TSHZ3: variants seen among roughly 807,000 people sequenced by gnomAD.
The protein encoded by TSHZ3 is teashirt zinc finger homeobox 3, also known as teashirt homolog 3.
A neutral mutation model predicts 64.5 loss-of-function variants in TSHZ3; 10 were observed. The observed-to-expected ratio is 0.16, with a 90% CI of 0.10 to 0.26. The LOEUF (loss-of-function observed/expected upper bound fraction) is 0.26, where lower values mean the gene tolerates loss of function less well. Among genes scored for constraint, TSHZ3 ranks in the 10% least tolerant of loss-of-function variants. The probability of loss-of-function intolerance (pLI) is 1.00; values close to 1 mark genes in which losing one functional copy is unlikely to be tolerated. For missense variants in TSHZ3, 1,242 were observed against 1,421.7 expected, an observed-to-expected ratio of 0.87 and a Z score of 2.03; for synonymous variants, 608 against 593.1, an observed-to-expected ratio of 1.03 and a Z score of -0.36.
chr19:31,234,745 C>T (rs190368360), intron 3 of TSHZ3, among the ~76,000 whole-genome samples: 6 of 152,296 alleles, frequency 3.9e-5, no homozygotes, highest in Admixed American at 2.0e-4. Flanking sequence ...TCATATAGTG[C>T]TGAATTCAGT....
At chr19:31,206,403 T>C (rs1028257511) in intron 4 of TSHZ3, among the ~76,000 whole-genome samples, 2 of 152,072 alleles carry the variant, frequency 1.3e-5, no homozygotes, top group African/African-American at 4.8e-5. Context: ...ACAGATTGAT[T>C]TCTCTCACTG....
intron 1 of TSHZ3, chr19:31,348,965 TG>T: frequency 1.8e-6 from 1 of 553,278 alleles, no homozygotes; most frequent in South Asian, 2.6e-5. Flanking sequence ...GCTCCCCAAA[TG>T]GGTGCGAGAG....
intron 1 of TSHZ3, chr19:31,305,655 C>T (rs1223487769): frequency 6.6e-6 from 1 of 152,170 alleles, no homozygotes; most frequent in African/African-American, 2.4e-5. Context: ...CACAGGCAGG[C>T]TTTACCTAGA....
chr19:31,196,983 C>T (rs1200154249), intron 5 of TSHZ3, among the ~76,000 whole-genome samples: 6 of 151,952 alleles, frequency 3.9e-5, no homozygotes, highest in African/African-American at 1.2e-4. Context: ...CTATAGACAG[C>T]TTCATTTAGC....
chr19:31,330,611 A>T (rs1341267147), intron 1 of TSHZ3, among the ~76,000 whole-genome samples: 1 of 151,350 alleles, frequency 6.6e-6, no homozygotes, highest in Non-Finnish European at 1.5e-5. Flanking sequence ...GGGGTGCAAA[A>T]TGGAGGCTGT....
At chr19:31,305,993 T>C (rs557182701) in intron 1 of TSHZ3, among the ~76,000 whole-genome samples, 1 of 152,352 alleles carries the variant, frequency 6.6e-6, no homozygotes, top group African/African-American at 2.4e-5. Flanking sequence ...GCCAGCATGA[T>C]CACAGATTTG....
At chr19:31,186,430 C>T (rs1974811539) in intron 5 of TSHZ3, among the ~76,000 whole-genome samples, 1 of 152,146 alleles carries the variant, frequency 6.6e-6, no homozygotes, top group Non-Finnish European at 1.5e-5. Context: ...GGCTTTTCCC[C>T]CTTTTGCTCA....
chr19:31,298,652 C>T (rs370631481), intron 1 of TSHZ3, among the ~76,000 whole-genome samples: 1 of 152,058 alleles, frequency 6.6e-6, no homozygotes, highest in Non-Finnish European at 1.5e-5. Flanking sequence ...TGCACATGAT[C>T]GCTGCCCAGC....
chr19:31,236,393 AC>A (rs1372677450), intron 3 of TSHZ3, among the ~76,000 whole-genome samples: 1 of 152,128 alleles, frequency 6.6e-6, no homozygotes, highest in Admixed American at 6.5e-5. Context: ...ATGATTAGAG[AC>A]ACTGAGCACC....
intron 1 of TSHZ3, among the ~76,000 whole-genome samples, chr19:31,339,962 T>C (rs2145195157): frequency 6.6e-6 from 1 of 152,130 alleles, no homozygotes; most frequent in Non-Finnish European, 1.5e-5. Context: ...CTTTTATTTA[T>C]TTATTTTTTA....
chr19:31,197,330 C>A, intron 5 of TSHZ3, among the ~76,000 whole-genome samples: 1 of 151,244 alleles, frequency 6.6e-6, no homozygotes, highest in Non-Finnish European at 1.5e-5. Context: ...GAATTTATAT[C>A]ATTAAATGCA....
chr19:31,348,468 GAAAAAA>G (rs769813617), intron 1 of TSHZ3, among the ~76,000 whole-genome samples: 14 of 82,468 alleles, frequency 1.7e-4, no homozygotes, highest in African/African-American at 6.2e-4. Flanking sequence ...TAAAGAAGAA[GAAAAAA>G]AAAAAAAAAG....
chr19:31,194,004 A>G (rs1339351744), intron 5 of TSHZ3, among the ~76,000 whole-genome samples: 1 of 152,224 alleles, frequency 6.6e-6, no homozygotes, highest in Non-Finnish European at 1.5e-5. Context: ...TCCCAAAGGG[A>G]AGTGAGTTCA....
intron 1 of TSHZ3, among the ~76,000 whole-genome samples, chr19:31,339,425 C>G (rs1473773764): frequency 1.3e-5 from 2 of 152,074 alleles, no homozygotes; most frequent in East Asian, 1.9e-4. Flanking sequence ...CCCTGCCCAG[C>G]CTCTTTCCTC....
chr19:31,258,465 A>G (rs1975942180), intron 1 of TSHZ3, among the ~76,000 whole-genome samples: 1 of 152,130 alleles, frequency 6.6e-6, no homozygotes, highest in Non-Finnish European at 1.5e-5. Context: ...CTTCTGTTCA[A>G]CAAGCACTTC....
intron 4 of TSHZ3, among the ~76,000 whole-genome samples, chr19:31,224,691 C>A (rs1296723398): frequency 6.6e-6 from 1 of 152,118 alleles, no homozygotes. Flanking sequence ...TATTCAGCAG[C>A]CCCAGTAAGT....
At chr19:31,166,702 A>G (rs1225111895) in intron 5 of TSHZ3, among the ~76,000 whole-genome samples, 3 of 152,264 alleles carry the variant, frequency 2.0e-5, no homozygotes. Context: ...TGAAATGTCC[A>G]TCTTCTATCA....
At chr19:31,216,682 G>A (rs1454634829) in intron 4 of TSHZ3, among the ~76,000 whole-genome samples, 1 of 152,062 alleles carries the variant, frequency 6.6e-6, no homozygotes, top group Non-Finnish European at 1.5e-5. Flanking sequence ...TGCCACCCAG[G>A]CTGGAGTGCA....
intron 1 of TSHZ3, among the ~76,000 whole-genome samples, chr19:31,345,907 C>T (rs950160624): frequency 1.3e-5 from 2 of 152,096 alleles, no homozygotes; most frequent in East Asian, 3.9e-4. Context: ...CTTCCCTAAC[C>T]CCACTCCTCT....
Sources: gnomAD v4.1 joint callset for allele counts (sites outside exome capture counted in the v4.1 genomes callset) on GRCh38, gnomAD v4.1.1 for gene constraint, MANE v1.5 for transcripts, NCBI Gene and HGNC (gene_info 2026-07-23, HGNC 2026-07-21) for gene names.